Variants in PRRX2 observed in about 807,000 individuals in gnomAD.
PRRX2 encodes the protein paired related homeobox 2.
PRRX2 carries 11 observed loss-of-function variants against 18.0 expected under a neutral mutation model. That is an observed-to-expected ratio of 0.61 (90% CI 0.39 to 1.01). The LOEUF is 1.01. Ranked by LOEUF, PRRX2 falls within the 50% of genes least tolerant of loss-of-function variation. PRRX2 has a pLI of 0.01. For synonymous variants in PRRX2, 177 were observed against 154.8 expected, an observed-to-expected ratio of 1.14 and a Z score of -1.06; for missense variants, 387 against 351.0, an observed-to-expected ratio of 1.10 and a Z score of -0.82.
At chr9:129,673,389 C>T (rs1464524530) in intron 1 of PRRX2, among the ~76,000 whole-genome samples, 3 of 152,048 alleles carry the variant, frequency 2.0e-5, no homozygotes, top group Non-Finnish European at 2.9e-5. Flanking sequence ...CCCAGGAGTT[C>T]GAGGCTGCAG....
In PRRX2 at chr9:129,671,125, C is replaced by T. The variant is rs1832094874; in HGVS notation, c.259+4999C>T. On this transcript the variant is annotated intron_variant, in intron 1 of 3. Transcript: ENST00000372469. The surrounding 1 kb of genome is among the most constrained non-coding windows in gnomAD (Gnocchi z 4.0). ...TAGGAACCCCATGATGGGCGTGTCT[C>T]CCTGGGATGTGGGGTCTCTGAGCCT... Among the ~76,000 whole-genome samples, 1 of 152,160 alleles carries T rather than the reference C, an allele frequency of 6.6e-6. No individual in the cohort carries two copies. Among genetic ancestry groups the T allele is most frequent in the Non-Finnish European group, 1.5e-5 (1 of 68,032 alleles).
At position 129,722,468 on chromosome 9, in the gene PRRX2, C is replaced by A; in HGVS notation, c.*116C>A. The A allele has an allele frequency of 7.8e-7, 1 of 1,276,156 alleles. No homozygotes were observed. Among genetic ancestry groups the A allele is most frequent in the Non-Finnish European group, 1.0e-6 (1 of 976,664 alleles). 79.1% of individuals were successfully genotyped at this position (1,276,156 alleles called of 1,614,324 possible). A position where few individuals can be genotyped will look rare whatever the true frequency, so the allele number is the denominator to read the frequency against. ...AGCTCTCCTGGCCCGTCTGTCCAGC[C>A]TGGACTCCCGAGCCCACGAGGCTGT... On this transcript the variant is annotated 3_prime_UTR_variant, in exon 4 of 4. Transcript: ENST00000372469.
intron 3 of PRRX2, 146 bp from the exon 4 acceptor site, chr9:129,722,071 C>G (rs1179500157): frequency 2.5e-6 from 3 of 1,193,446 alleles, no homozygotes; most frequent in Non-Finnish European, 3.5e-6. Context: ...CCAAACCCTA[C>G]AGCTCCAAAT....
chr9:129,684,458 ACCCAACAGAAAAGATACCAGAAAT>A (rs1564147307), intron 1 of PRRX2, among the ~76,000 whole-genome samples: 86 of 118,448 alleles, frequency 7.3e-4, no homozygotes, highest in Middle Eastern at 4.7e-3. Flanking sequence ...ACACACACAC[ACCCAACAGAAAAGATACCAGAAAT>A]CACACACACA....
At chr9:129,696,631 A>G (rs1427881539) in intron 1 of PRRX2, among the ~76,000 whole-genome samples, 1 of 152,178 alleles carries the variant, frequency 6.6e-6, no homozygotes, top group Admixed American at 6.5e-5. Context: ...AAGCAAAGCT[A>G]CCCTCGGTTC....
rs1347999028 is a variant in PRRX2 at position 129,684,516 on chromosome 9, A to ACC, written c.259+18391_259+18392insCC. Among the ~76,000 whole-genome samples, 58 of 33,726 alleles carry ACC rather than the reference A, an allele frequency of 1.7e-3. 1 individual carries two copies. The highest frequency in any genetic ancestry group is 4.4e-3 in the African/African-American group (47 of 10,598). 22.1% of individuals were successfully genotyped at this position (33,726 alleles called of 152,430 possible). The stretch of plus-strand genomic sequence containing the variant: ...CACACACACACACACACACACACAC[A>ACC]CACACACCCACACACACCCCAACAG... On this transcript the variant is annotated intron_variant, in intron 1 of 3. Coordinates refer to ENST00000372469, the MANE Select transcript of PRRX2 (RefSeq NM_016307.4).
intron 2 of PRRX2, 62 bp downstream of exon 2, chr9:129,719,480 C>A: frequency 7.0e-7 from 1 of 1,426,172 alleles, no homozygotes; most frequent in South Asian, 1.5e-5. Context: ...AGCCACTGTT[C>A]ACCCGGGATT....
At chr9:129,703,104 G>T (rs543593602) in intron 1 of PRRX2, among the ~76,000 whole-genome samples, 1 of 152,374 alleles carries the variant, frequency 6.6e-6, no homozygotes, top group South Asian at 2.1e-4. Flanking sequence ...AGATGTCGAA[G>T]ATGGCCCCGT....
At chr9:129,710,961 C>T (rs982864068) in intron 1 of PRRX2, among the ~76,000 whole-genome samples, 19 of 152,178 alleles carry the variant, frequency 1.2e-4, no homozygotes, top group Admixed American at 2.6e-4. Flanking sequence ...GGCCCACCCT[C>T]ACAGGGCTTG....
At chr9:129,698,979 C>T (rs1318182297) in intron 1 of PRRX2, among the ~76,000 whole-genome samples, 1 of 152,216 alleles carries the variant, frequency 6.6e-6, no homozygotes, top group Non-Finnish European at 1.5e-5. Context: ...CCTGACTGTC[C>T]CTTCCCTCCC....
chr9:129,681,316 T>A (rs1832226072), intron 1 of PRRX2, among the ~76,000 whole-genome samples: 2 of 152,172 alleles, frequency 1.3e-5, no homozygotes, highest in African/African-American at 2.4e-5. Context: ...GGTCAGGTGT[T>A]CGAGACCAGC....
At chr9:129,681,620 A>G (rs1248115402) in intron 1 of PRRX2, among the ~76,000 whole-genome samples, 1 of 152,084 alleles carries the variant, frequency 6.6e-6, no homozygotes, top group Admixed American at 6.5e-5. Context: ...CACCCAGAAA[A>G]GTTGTGAATG....
chr9:129,715,146 C>T lies in PRRX2; in HGVS notation c.260-4085C>T, dbSNP rs1832687905. ...CTCCCCACTGCCCCCACAGCCCCCGCCTGGTCCCGTATGTTTGCAAGTATT... is the reference window on the plus strand; with the variant it reads ...CTCCCCACTGCCCCCACAGCCCCCGTCTGGTCCCGTATGTTTGCAAGTATT... On this transcript the variant is annotated intron_variant, in intron 1 of 3. Transcript: ENST00000372469. The surrounding 1 kb of genome is among the most constrained non-coding windows in gnomAD (Gnocchi z 4.0). Among the ~76,000 whole-genome samples the T allele has an allele frequency of 6.6e-6, 1 of 152,158 alleles. No homozygotes were observed. Among genetic ancestry groups the T allele is most frequent in the African/African-American group, 2.4e-5 (1 of 41,432 alleles).
intron 1 of PRRX2, among the ~76,000 whole-genome samples, chr9:129,694,901 A>G (rs1362899943): frequency 6.6e-6 from 1 of 152,202 alleles, no homozygotes; most frequent in African/African-American, 2.4e-5. Flanking sequence ...TGGCTGGGCC[A>G]GCCTTCTGGC....
chr9:129,706,436 G>A (rs1465801433), intron 1 of PRRX2, among the ~76,000 whole-genome samples: 1 of 152,094 alleles, frequency 6.6e-6, no homozygotes, highest in Non-Finnish European at 1.5e-5. Flanking sequence ...GGTGGCATGC[G>A]CCTGTAATCC....
intron 1 of PRRX2, among the ~76,000 whole-genome samples, chr9:129,678,401 C>T (rs1337641017): frequency 6.6e-6 from 1 of 152,170 alleles, no homozygotes; most frequent in East Asian, 1.9e-4. Flanking sequence ...GGCACAGGGG[C>T]CCCTGCAGGA....
rs968942990 is a variant in PRRX2 at position 129,695,514 on chromosome 9, C to T, written c.260-23717C>T. On this transcript the variant is annotated intron_variant, in intron 1 of 3. Coordinates refer to ENST00000372469, the MANE Select transcript of PRRX2 (RefSeq NM_016307.4). The surrounding 1 kb of genome is among the most constrained non-coding windows in gnomAD (Gnocchi z 4.8). ...CACCCCACAGCCTTGTTGTGTTTACCCCCTTTTCAGGCCTGCTGGGGAAGG... is the reference window on the plus strand; with the variant it reads ...CACCCCACAGCCTTGTTGTGTTTACTCCCTTTTCAGGCCTGCTGGGGAAGG... Among the ~76,000 whole-genome samples the T allele has an allele frequency of 6.6e-6, 1 of 152,140 alleles. No homozygotes were observed. Among genetic ancestry groups the T allele is most frequent in the Non-Finnish European group, 1.5e-5 (1 of 68,034 alleles).
In PRRX2 at chr9:129,719,227, G is replaced by T; in HGVS notation, c.260-4G>T. The T allele has an allele frequency of 1.3e-6, 2 of 1,577,672 alleles. No individual in the cohort carries two copies. Among genetic ancestry groups the T allele is most frequent in the Non-Finnish European group, 1.7e-6 (2 of 1,161,534 alleles). ...TGACCATCCCGCCCCCCCAACCTCC[G>T]CAGGTGAGTGTCCCAGCCCGGGGCG... is the stretch of plus-strand genomic sequence containing the variant. On this transcript the variant is annotated splice_polypyrimidine_tract_variant and splice_region_variant and intron_variant, in intron 1 of 3. Transcript: ENST00000372469.
chr9:129,710,603 G>C (rs1832606667), intron 1 of PRRX2, among the ~76,000 whole-genome samples: 1 of 152,188 alleles, frequency 6.6e-6, no homozygotes, highest in South Asian at 2.1e-4. Context: ...TGTGGTGGCA[G>C]GCACTTGTAG....
Sources: gnomAD v4.1 joint callset for allele counts (sites outside exome capture counted in the v4.1 genomes callset) on GRCh38, gnomAD v4.1.1 for gene constraint, Gnocchi (gnomAD v3.1) non-coding constraint, MANE v1.5 for transcripts, NCBI Gene and HGNC (gene_info 2026-07-23, HGNC 2026-07-21) for gene names.